The following HHLA2 variants were observed in gnomAD, a reference collection of about 807,000 sequenced individuals.
HHLA2 encodes HHLA2 member of B7 family.
Under a neutral mutation model 45.9 loss-of-function variants are expected in HHLA2, and 48 were observed. The observed-to-expected ratio is 1.05, with a 90% CI of 0.83 to 1.33. The LOEUF is 1.33. Among genes scored for constraint, HHLA2 ranks in the 40% most tolerant of loss-of-function variants. HHLA2 has a pLI of 0.00. For missense variants in HHLA2, 462 were observed against 494.3 expected (o/e 0.93, Z 0.62); for synonymous variants, 161 against 173.9 (o/e 0.93, Z 0.59).
chr3:108,341,270 A>G (rs923823233), intron 3 of HHLA2, among the ~76,000 whole-genome samples: 3 of 152,128 alleles, frequency 2.0e-5, no homozygotes, highest in African/African-American at 7.2e-5. Flanking sequence ...CTTTTCTTGT[A>G]TAAAAGAAAA....
intron 2 of HHLA2, chr3:108,325,797 C>T (rs2081278057): frequency 3.2e-6 from 1 of 312,582 alleles, no homozygotes; most frequent in Admixed American, 3.8e-5. Context: ...TTGAAGTTTC[C>T]TCTACTACCA....
At chr3:108,325,720 A>G in intron 2 of HHLA2, 1 of 240,692 alleles carries the variant, frequency 4.2e-6, no homozygotes, top group South Asian at 5.1e-5. Flanking sequence ...TACCAAATCC[A>G]TTATAGCCGT....
intron 2 of HHLA2, among the ~76,000 whole-genome samples, chr3:108,314,009 A>G (rs768495183): frequency 2.6e-5 from 4 of 152,208 alleles, no homozygotes; most frequent in Admixed American, 6.5e-5. Context: ...TGATCAATTT[A>G]CAGAGGAGGT....
chr3:108,373,043 C>T (rs1298094128), intron 8 of HHLA2, among the ~76,000 whole-genome samples: 1 of 152,172 alleles, frequency 6.6e-6, no homozygotes, highest in East Asian at 1.9e-4. Flanking sequence ...GAATTTTAGA[C>T]CAATATCCTT....
At chr3:108,336,792 G>A (rs1001206819) in intron 3 of HHLA2, among the ~76,000 whole-genome samples, 7 of 151,356 alleles carry the variant, frequency 4.6e-5, no homozygotes, top group African/African-American at 1.5e-4. Flanking sequence ...CAAGGTTCAG[G>A]TTATTCCATT....
chr3:108,324,530 G>A (rs1432276674), intron 2 of HHLA2, among the ~76,000 whole-genome samples: 5 of 152,132 alleles, frequency 3.3e-5, no homozygotes, highest in African/African-American at 1.2e-4. Context: ...AGCACTCCTA[G>A]GCTTTCACAA....
Position 108,357,778 on chromosome 3 carries a change from G to A in HHLA2, c.686-66G>A. 3 of 1,289,098 alleles carry A rather than the reference G, an allele frequency of 2.3e-6. No homozygotes were observed. The South Asian group carries it at 4.3e-5, about 18-fold the overall frequency. 79.9% of individuals were successfully genotyped at this position (1,289,098 alleles called of 1,614,324 possible). A position where few individuals can be genotyped will look rare whatever the true frequency, so the allele number is the denominator to read the frequency against. On this transcript the variant is annotated intron_variant, in intron 6 of 10. Transcript: ENST00000619531. ...TGCCTTTGTTCTCTGCTTTCTAAGTGTAACTTAGAGAATTCTTTTGAAATG... is the reference window on the plus strand; with the variant it reads ...TGCCTTTGTTCTCTGCTTTCTAAGTATAACTTAGAGAATTCTTTTGAAATG...
intron 3 of HHLA2, among the ~76,000 whole-genome samples, chr3:108,350,273 T>C (rs780168013): frequency 9.9e-5 from 15 of 152,190 alleles, no homozygotes; most frequent in Admixed American, 2.0e-4. Flanking sequence ...ATAAAAGCAA[T>C]TGGACTCATA....
intron 2 of HHLA2, among the ~76,000 whole-genome samples, chr3:108,319,491 G>A (rs1219602290): frequency 2.6e-5 from 4 of 151,926 alleles, no homozygotes; most frequent in African/African-American, 9.7e-5. Flanking sequence ...ATTCTGTCTT[G>A]GCATCTGCTT....
intron 2 of HHLA2, among the ~76,000 whole-genome samples, 167 bp downstream of exon 2, chr3:108,310,908 G>A (rs2081007691): frequency 6.6e-6 from 1 of 152,122 alleles, no homozygotes; most frequent in Admixed American, 6.5e-5. Context: ...TCTTGCACAA[G>A]AAATAGTATT....
Position 108,351,881 on chromosome 3 carries a change from A to AT in HHLA2, c.64+7dup, listed in dbSNP as rs1174583325. On this transcript the variant is annotated splice_donor_region_variant and intron_variant, in intron 4 of 10. Transcript: ENST00000619531. ...ACATCTCTGAGTGGATCTCAAGGTA[A>AT]TTTCGTTTGTAATACAAGTGTTAGT... The AT allele has an allele frequency of 1.3e-6, 2 of 1,597,438 alleles. No homozygotes were observed. Among genetic ancestry groups the AT allele is most frequent in the Admixed American group, 3.3e-5 (2 of 59,810 alleles).
At chr3:108,376,586 T>C (rs1425292927) in intron 10 of HHLA2, 29 bp downstream of exon 9, 3 of 1,587,882 alleles carry the variant, frequency 1.9e-6, no homozygotes, top group African/African-American at 1.3e-5. Context: ...TATCAAACCA[T>C]ATACAGTATA....
chr3:108,315,227 T>C (rs900156636), intron 2 of HHLA2, among the ~76,000 whole-genome samples: 3 of 152,158 alleles, frequency 2.0e-5, no homozygotes, highest in African/African-American at 7.2e-5. Flanking sequence ...GCCCTGGATA[T>C]TCCATAAAAG....
intron 9 of HHLA2, 28 bp from the exon 9 acceptor site, chr3:108,376,465 T>C (rs202188736): frequency 2.5e-6 from 4 of 1,580,692 alleles, no homozygotes; most frequent in African/African-American, 1.4e-5. Flanking sequence ...AAGAAATTAT[T>C]TTTAAGTTCT....
In HHLA2 at chr3:108,368,535, C is replaced by CAAAAAAAAAAAAAAAA. The variant is rs55718572; in HGVS notation, c.1108+6109_1108+6124dup. On this transcript the variant is annotated intron_variant, in intron 8 of 10. Coordinates refer to ENST00000619531, the Ensembl canonical transcript of HHLA2. The stretch of plus-strand genomic sequence containing the variant: ...GAATATTTACCAAGCAAACGAAGAG[C>CAAAAAAAAAAAAAAAA]AAAAAAAAAAAAAAAAAAAAAAAAA... Among the ~76,000 whole-genome samples, 13 of 6,622 alleles carry CAAAAAAAAAAAAAAAA rather than the reference C, an allele frequency of 2.0e-3. 2 individuals are homozygous for CAAAAAAAAAAAAAAAA. Among genetic ancestry groups the CAAAAAAAAAAAAAAAA allele is most frequent in the Admixed American group, 2.5e-3 (1 of 398 alleles). The allele number at this position is 6,622 out of a possible 152,430, so 4.3% of individuals were successfully genotyped here.
intron 8 of HHLA2, among the ~76,000 whole-genome samples, chr3:108,371,186 G>T (rs1479658059): frequency 6.6e-6 from 1 of 152,176 alleles, no homozygotes; most frequent in Non-Finnish European, 1.5e-5. Context: ...CATTCTCAAA[G>T]AAAAGAATTT....
chr3:108,308,901 G>A (rs1334767278), intron 1 of HHLA2, among the ~76,000 whole-genome samples: 2 of 152,080 alleles, frequency 1.3e-5, no homozygotes, highest in East Asian at 3.8e-4. Context: ...TATATAGTCT[G>A]GTGATGAATC....
At chr3:108,361,623 C>T (rs2081986301) in intron 7 of HHLA2, among the ~76,000 whole-genome samples, 2 of 152,138 alleles carry the variant, frequency 1.3e-5, no homozygotes, top group African/African-American at 4.8e-5. Context: ...ACCTATAAAA[C>T]TGTGAAGATG....
At chr3:108,349,686 T>A (rs905032060) in intron 3 of HHLA2, among the ~76,000 whole-genome samples, 11 of 151,944 alleles carry the variant, frequency 7.2e-5, no homozygotes, top group African/African-American at 2.7e-4. Context: ...AGATGCAGAG[T>A]ACAGTGAAGG....
Sources: allele counts gnomAD v4.1 joint callset (sites outside exome capture counted in the v4.1 genomes callset), GRCh38; gene constraint gnomAD v4.1.1; transcripts MANE v1.5; gene names NCBI Gene and HGNC (gene_info 2026-07-23, HGNC 2026-07-21).